The following WWOX variants were observed in gnomAD, a reference collection of about 807,000 sequenced individuals.
WWOX encodes the protein WW domain containing oxidoreductase.
WWOX carries 69 observed loss-of-function variants against 46.2 expected under a neutral mutation model. The observed-to-expected ratio is 1.49, with a 90% CI of 1.23 to 1.82. The LOEUF (loss-of-function observed/expected upper bound fraction) is 1.82. Among genes scored for constraint, WWOX ranks in the 40% most tolerant of loss-of-function variants. The pLI is 0.00. For synonymous variants in WWOX, 359 were observed against 202.6 expected (o/e 1.77, Z -6.56); for missense variants, 919 against 542.6 (o/e 1.69, Z -6.89).
chr16:78,661,105 G>C (rs890346439), intron 8 of WWOX, among the ~76,000 whole-genome samples: 1 of 152,204 alleles, frequency 6.6e-6, no homozygotes, highest in Admixed American at 6.5e-5. Flanking sequence ...AGCAGCAGAA[G>C]TGGTGGAACA....
chr16:78,442,155 A>G (rs947860348), intron 8 of WWOX, among the ~76,000 whole-genome samples: 2 of 151,904 alleles, frequency 1.3e-5, no homozygotes, highest in African/African-American at 2.4e-5. Flanking sequence ...AAAAAAAATT[A>G]TATGTATTCG....
At chr16:78,408,660 G>A (rs1463671772) in intron 6 of WWOX, among the ~76,000 whole-genome samples, 3 of 152,158 alleles carry the variant, frequency 2.0e-5, no homozygotes, top group South Asian at 2.1e-4. Context: ...TGTGCCTGTC[G>A]TCTTGACCTT....
chr16:78,649,763 C>T (rs1411661126), intron 8 of WWOX, among the ~76,000 whole-genome samples: 2 of 152,134 alleles, frequency 1.3e-5, no homozygotes, highest in African/African-American at 2.4e-5. Flanking sequence ...GTTTACTTAT[C>T]TCATTTAACC....
intron 8 of WWOX, among the ~76,000 whole-genome samples, chr16:79,057,406 A>G (rs560317092): frequency 1.3e-5 from 2 of 152,236 alleles, no homozygotes; most frequent in South Asian, 2.1e-4. Context: ...ATTTTTACCA[A>G]CTGTTTTTGC....
intron 8 of WWOX, among the ~76,000 whole-genome samples, chr16:78,484,348 A>G (rs960699518): frequency 2.0e-5 from 3 of 152,094 alleles, no homozygotes; most frequent in Non-Finnish European, 4.4e-5. Context: ...TTTTCCAAGT[A>G]TACCTATTCC....
At chr16:79,093,813 A>G (rs903911243) in intron 8 of WWOX, among the ~76,000 whole-genome samples, 13 of 152,192 alleles carry the variant, frequency 8.5e-5, no homozygotes, top group South Asian at 2.1e-4. Context: ...CCTTCGACAC[A>G]GAGTGACAGG....
chr16:78,277,226 T>G (rs1229134357), intron 5 of WWOX, among the ~76,000 whole-genome samples: 2 of 152,184 alleles, frequency 1.3e-5, no homozygotes, highest in African/African-American at 4.8e-5. Context: ...AGAGATTAAG[T>G]AGAGAGAGAA....
chr16:78,939,220 T>C (rs929713301), intron 8 of WWOX, among the ~76,000 whole-genome samples: 7 of 152,254 alleles, frequency 4.6e-5, no homozygotes, highest in Non-Finnish European at 8.8e-5. Context: ...GCATCTTCTG[T>C]CTGCTAGACA....
intron 8 of WWOX, chr16:78,825,558 G>T: frequency 1.9e-6 from 1 of 532,020 alleles, no homozygotes; most frequent in Non-Finnish European, 3.8e-6. Flanking sequence ...GGTGGCCCCA[G>T]AGGTCTGTGT....
chr16:79,136,126 C>T (rs9930081), intron 8 of WWOX, among the ~76,000 whole-genome samples: 7,486 of 152,186 alleles, frequency 0.049, 661 homozygotes, highest in African/African-American at 0.17. Context: ...AGCTAGTCAA[C>T]GTCCAACTGC....
intron 8 of WWOX, among the ~76,000 whole-genome samples, chr16:79,043,179 G>A (rs1441124718): frequency 3.9e-5 from 6 of 151,918 alleles, no homozygotes; most frequent in African/African-American, 1.2e-4. Context: ...GCTTTGAATG[G>A]CCACATGAGT....
chr16:79,152,738 G>A (rs1313493972), intron 8 of WWOX, among the ~76,000 whole-genome samples: 1 of 152,016 alleles, frequency 6.6e-6, no homozygotes, highest in African/African-American at 2.4e-5. Flanking sequence ...CCAGCAGTCA[G>A]CTTAGTGTGG....
intron 8 of WWOX, among the ~76,000 whole-genome samples, chr16:78,809,819 C>G (rs536462904): frequency 2.6e-5 from 4 of 152,242 alleles, no homozygotes; most frequent in African/African-American, 9.6e-5. Flanking sequence ...CCTAAAAGCT[C>G]TTGGGTCACT....
intron 8 of WWOX, among the ~76,000 whole-genome samples, chr16:78,748,864 C>A (rs923275156): frequency 6.6e-6 from 1 of 152,240 alleles, no homozygotes; most frequent in East Asian, 1.9e-4. Context: ...GAAGGAGCAT[C>A]TTTGCAGGGG....
intron 8 of WWOX, among the ~76,000 whole-genome samples, chr16:79,108,908 T>A (rs1358162632): frequency 6.6e-6 from 1 of 151,260 alleles, no homozygotes; most frequent in Non-Finnish European, 1.5e-5. Flanking sequence ...CTCAAAAAAT[T>A]TAAAAAAAAA....
At chr16:78,705,229 T>A (rs2048306064) in intron 8 of WWOX, among the ~76,000 whole-genome samples, 1 of 152,228 alleles carries the variant, frequency 6.6e-6, no homozygotes, top group Non-Finnish European at 1.5e-5. Context: ...TGTGGATTTT[T>A]CATCTGAGAG....
At chr16:78,732,857 C>T (rs903018243) in intron 8 of WWOX, among the ~76,000 whole-genome samples, 4 of 152,156 alleles carry the variant, frequency 2.6e-5, no homozygotes, top group Non-Finnish European at 4.4e-5. Flanking sequence ...GGAATTATCT[C>T]CCTTAGGTTT....
rs1326117211 is a variant in WWOX at position 78,962,000 on chromosome 16, G to C, written c.1057-249608G>C. ...GCCTTAAACAGATCCCTTGTCTCTT[G>C]TCAGGACCTCCTTCCAGGCTGCTCC... On this transcript the variant is annotated intron_variant, in intron 8 of 8. Transcript: ENST00000566780. 4.6e-5 allele frequency among the ~76,000 whole-genome samples: 7 copies of C among 152,206 alleles called. No homozygotes were observed. The East Asian group carries it at 1.2e-3, about 25-fold the overall frequency.
At chr16:78,461,774 G>A (rs1173948822) in intron 8 of WWOX, among the ~76,000 whole-genome samples, 4 of 152,196 alleles carry the variant, frequency 2.6e-5, no homozygotes, top group African/African-American at 9.7e-5. Context: ...TTCCCGTCAT[G>A]CTTTAGAATT....
Sources: gnomAD v4.1 joint callset for allele counts (sites outside exome capture counted in the v4.1 genomes callset) on GRCh38, gnomAD v4.1.1 for gene constraint, MANE v1.5 for transcripts, NCBI Gene and HGNC (gene_info 2026-07-23, HGNC 2026-07-21) for gene names.